UNC13C: variants seen among roughly 807,000 people sequenced by gnomAD.
The protein encoded by UNC13C is unc-13 homolog C.
UNC13C carries 174 observed loss-of-function variants against 245.4 expected under a neutral mutation model. That is an observed-to-expected ratio of 0.71 (90% CI 0.63 to 0.80). UNC13C has a LOEUF of 0.80. Ranked by LOEUF, UNC13C falls within the 30% of genes least tolerant of loss-of-function variation. The pLI is 0.00. For synonymous variants in UNC13C, 992 were observed against 895.1 expected, an observed-to-expected ratio of 1.11 and a Z score of -1.93; for missense variants, 2,829 against 2,602.9, an observed-to-expected ratio of 1.09 and a Z score of -1.89.
At chr15:54,312,027 T>C (rs2037886657) in intron 13 of UNC13C, among the ~76,000 whole-genome samples, 2 of 151,814 alleles carry the variant, frequency 1.3e-5, no homozygotes, top group African/African-American at 4.8e-5. Context: ...ATTTTACATA[T>C]TTTTTTCTGG....
At chr15:54,206,099 G>A (rs2034700021) in intron 4 of UNC13C, among the ~76,000 whole-genome samples, 1 of 151,978 alleles carries the variant, frequency 6.6e-6, no homozygotes, top group Admixed American at 6.6e-5. Flanking sequence ...TGGATTTGTA[G>A]TAAATATTTA....
At position 54,532,902 on chromosome 15, in the gene UNC13C, ATTC is replaced by A; in HGVS notation, c.5547-12_5547-10del. The A allele has an allele frequency of 6.9e-7, 1 of 1,452,432 alleles. No homozygotes were observed. The highest frequency in any genetic ancestry group is 2.5e-5 in the East Asian group (1 of 40,370). 90.0% of individuals were successfully genotyped at this position (1,452,432 alleles called of 1,614,324 possible). A position where few individuals can be genotyped will look rare whatever the true frequency, so the allele number is the denominator to read the frequency against. ...TGTATTCTTATATTTTAGAATTTAT[ATTC>A]TTTATTTTTAGTTTCCAGGTTATAA... On this transcript the variant is annotated splice_polypyrimidine_tract_variant and intron_variant, in intron 25 of 32. Coordinates refer to ENST00000260323, the MANE Select transcript of UNC13C (RefSeq NM_001080534.3).
chr15:54,029,774 G>A (rs1021700512), intron 2 of UNC13C, among the ~76,000 whole-genome samples: 1 of 152,084 alleles, frequency 6.6e-6, no homozygotes, highest in Non-Finnish European at 1.5e-5. Flanking sequence ...GAGGTTCCCG[G>A]GACCCTATGC....
the UNC13C span, among the ~76,000 whole-genome samples, chr15:53,924,482 T>G: frequency 6.6e-6 from 1 of 152,240 alleles, no homozygotes; most frequent in South Asian, 2.1e-4. Flanking sequence ...TCCATTTATA[T>G]TTTTATGAAT....
chr15:54,141,432 C>G (rs536465567), intron 2 of UNC13C, among the ~76,000 whole-genome samples: 1 of 152,006 alleles, frequency 6.6e-6, no homozygotes, highest in East Asian at 1.9e-4. Flanking sequence ...ATGGAAATGC[C>G]CTACTATTTC....
chr15:53,978,872 A>C lies in UNC13C; in HGVS notation c.-312A>C, dbSNP rs1234882872. On this transcript the variant is annotated 5_prime_UTR_variant, in exon 1 of 33. Coordinates refer to ENST00000260323, the MANE Select transcript of UNC13C (RefSeq NM_001080534.3). The stretch of plus-strand genomic sequence containing the variant: ...AGGAAAACACATACACTCCAAAAGG[A>C]GGGGAAGAACAACCCAGTTGGCGTG... Among the ~76,000 whole-genome samples, 1 of 152,178 alleles carries C rather than the reference A, an allele frequency of 6.6e-6. No individual in the cohort carries two copies. The highest frequency in any genetic ancestry group is 6.5e-5 in the Admixed American group (1 of 15,286).
At chr15:54,525,694 A>G in intron 25 of UNC13C, 57 bp downstream of exon 25, 1 of 1,407,336 alleles carries the variant, frequency 7.1e-7, no homozygotes, top group South Asian at 1.2e-5. Flanking sequence ...AGTTCATGAT[A>G]TTCTTGCCTT....
intron 12 of UNC13C, among the ~76,000 whole-genome samples, chr15:54,298,586 G>A (rs1049560881): frequency 6.6e-6 from 1 of 152,078 alleles, no homozygotes; most frequent in African/African-American, 2.4e-5. Flanking sequence ...AAAAAGTAGG[G>A]CCTAGTTGGC....
chr15:54,445,433 T>C (rs1890755260), intron 19 of UNC13C, among the ~76,000 whole-genome samples: 1 of 152,174 alleles, frequency 6.6e-6, no homozygotes, highest in Non-Finnish European at 1.5e-5. Context: ...GTAAAAGTGT[T>C]CCTATTTCTC....
chr15:53,949,997 G>A, the UNC13C span, among the ~76,000 whole-genome samples: 2 of 152,070 alleles, frequency 1.3e-5, no homozygotes, highest in African/African-American at 2.4e-5. Flanking sequence ...CAGAAACACA[G>A]GAAGAAGATA....
chr15:53,995,057 A>G (rs551730371), intron 1 of UNC13C, among the ~76,000 whole-genome samples: 2 of 152,290 alleles, frequency 1.3e-5, no homozygotes, highest in Non-Finnish European at 2.9e-5. Context: ...TTGCTTTTGT[A>G]TATAAATATT....
chr15:53,854,904 A>G, the UNC13C span, among the ~76,000 whole-genome samples: 1 of 152,146 alleles, frequency 6.6e-6, no homozygotes, highest in Admixed American at 6.5e-5. Flanking sequence ...CATTTTAATG[A>G]TATTGATTCT....
intron 17 of UNC13C, among the ~76,000 whole-genome samples, chr15:54,362,030 A>G (rs1005820348): frequency 6.6e-6 from 1 of 152,092 alleles, no homozygotes; most frequent in Non-Finnish European, 1.5e-5. Context: ...ATGGCCAGGG[A>G]TTTGGGCCTT....
intron 2 of UNC13C, among the ~76,000 whole-genome samples, chr15:54,126,896 G>A (rs568226268): frequency 6.6e-6 from 1 of 152,252 alleles, no homozygotes; most frequent in Non-Finnish European, 1.5e-5. Flanking sequence ...GTGGGTGAAG[G>A]ATATGAACAG....
At chr15:54,130,070 A>G (rs2031314562) in intron 2 of UNC13C, among the ~76,000 whole-genome samples, 1 of 136,572 alleles carries the variant, frequency 7.3e-6, no homozygotes, top group African/African-American at 2.7e-5. Context: ...TAGTGCATTT[A>G]GTTTTAATTT....
At chr15:54,623,587 T>C (rs1196143436) in intron 31 of UNC13C, among the ~76,000 whole-genome samples, 1 of 152,186 alleles carries the variant, frequency 6.6e-6, no homozygotes, top group Non-Finnish European at 1.5e-5. Flanking sequence ...TAACTAACTT[T>C]TCACCAAAGC....
intron 26 of UNC13C, 47 bp downstream of exon 26, chr15:54,533,113 G>A (rs1895836356): frequency 3.4e-6 from 5 of 1,479,174 alleles, no homozygotes; most frequent in Non-Finnish European, 3.7e-6. Flanking sequence ...CCCTAAATTT[G>A]ACCTTTAAGG....
intron 2 of UNC13C, among the ~76,000 whole-genome samples, chr15:54,113,212 G>C (rs2029949240): frequency 6.6e-6 from 1 of 152,088 alleles, no homozygotes; most frequent in Non-Finnish European, 1.5e-5. Flanking sequence ...AAGCAAAAGA[G>C]AGATAGAGAA....
intron 16 of UNC13C, among the ~76,000 whole-genome samples, 194 bp from the exon 17 acceptor site, chr15:54,338,167 C>T (rs188230381): frequency 5.4e-4 from 82 of 152,188 alleles, no homozygotes; most frequent in African/African-American, 1.9e-3. Flanking sequence ...TGTTTACAGC[C>T]ATTATCATTT....
Sources: allele counts gnomAD v4.1 joint callset (sites outside exome capture counted in the v4.1 genomes callset), GRCh38; gene constraint gnomAD v4.1.1; transcripts MANE v1.5; gene names NCBI Gene and HGNC (gene_info 2026-07-23, HGNC 2026-07-21).